GGACT: variants seen among roughly 807,000 people sequenced by gnomAD.
GGACT encodes gamma-glutamylamine cyclotransferase.
For synonymous variants in GGACT, 118 were observed against 115.3 expected (o/e 1.02, Z -0.15); for missense variants, 241 against 233.2 (o/e 1.03, Z -0.22).
At chr13:100,533,208 G>C (rs570516210) in intron 2 of GGACT, 1 of 157,750 alleles carries the variant, frequency 6.3e-6, no homozygotes, top group Admixed American at 6.0e-5. Flanking sequence ...GCCCTGTCCA[G>C]GCCCTAGTAT....
chr13:100,578,155 T>C (rs1451926375), intron 2 of GGACT, among the ~76,000 whole-genome samples: 4 of 152,164 alleles, frequency 2.6e-5, no homozygotes, highest in African/African-American at 9.7e-5. Flanking sequence ...GAACACCAAG[T>C]GCACTCCTCT....
At chr13:100,549,175 C>T (rs962535122) in intron 2 of GGACT, among the ~76,000 whole-genome samples, 1 of 152,090 alleles carries the variant, frequency 6.6e-6, no homozygotes, top group Non-Finnish European at 1.5e-5. Flanking sequence ...GAAGCCCTGT[C>T]TCTACTAAAA....
At position 100,534,333 on chromosome 13, in the gene GGACT, G is replaced by A. The variant is rs1254423567; in HGVS notation, c.-10-1732C>T. Among the ~76,000 whole-genome samples, 2 of 152,232 alleles carry A rather than the reference G, an allele frequency of 1.3e-5. No homozygotes were observed. The highest frequency in any genetic ancestry group is 4.8e-5 in the African/African-American group (2 of 41,470). On this transcript the variant is annotated intron_variant, in intron 2 of 2. Coordinates refer to ENST00000683975, the MANE Select transcript of GGACT (RefSeq NM_001195087.2). The surrounding 1 kb of genome is among the most constrained non-coding windows in gnomAD (Gnocchi z 4.9). The stretch of plus-strand genomic sequence containing the variant: ...TGATAGCCCTGGGACACCCTTCCCA[G>A]TGTGGGGACACAGATTAGACCTGGG...
At chr13:100,543,881 A>G (rs945317242) in intron 2 of GGACT, among the ~76,000 whole-genome samples, 3 of 152,194 alleles carry the variant, frequency 2.0e-5, no homozygotes, top group Non-Finnish European at 4.4e-5. Context: ...TTGTCATTCA[A>G]TACCTCGTGT....
intron 2 of GGACT, among the ~76,000 whole-genome samples, chr13:100,566,679 A>G (rs908779202): frequency 1.2e-4 from 19 of 152,308 alleles, no homozygotes; most frequent in African/African-American, 4.6e-4. Context: ...CAGGGAGTAA[A>G]CCACTGGTTA....
At chr13:100,544,388 C>T (rs2088585542) in intron 2 of GGACT, among the ~76,000 whole-genome samples, 1 of 152,266 alleles carries the variant, frequency 6.6e-6, no homozygotes. Context: ...GGGCCGCATC[C>T]TGTTGGCTCT....
chr13:100,567,598 T>C (rs534878335), intron 2 of GGACT, among the ~76,000 whole-genome samples: 1 of 152,236 alleles, frequency 6.6e-6, no homozygotes, highest in Non-Finnish European at 1.5e-5. Flanking sequence ...TTGGGCTGCA[T>C]CTGTCCACAA....
At chr13:100,539,936 C>A in intron 2 of GGACT, 2 of 1,537,556 alleles carry the variant, frequency 1.3e-6, no homozygotes, top group Non-Finnish European at 1.8e-6. Context: ...GGGGCAGCAC[C>A]CGCAGGTCTA....
chr13:100,543,093 C>T (rs953532856), intron 2 of GGACT, among the ~76,000 whole-genome samples: 5 of 149,118 alleles, frequency 3.4e-5, no homozygotes, highest in Admixed American at 2.7e-4. Flanking sequence ...GCCTGGTACA[C>T]GTTTAAAAGC....
At chr13:100,543,694 CTT>C (rs1372843175) in intron 2 of GGACT, among the ~76,000 whole-genome samples, 13 of 152,278 alleles carry the variant, frequency 8.5e-5, no homozygotes, top group Middle Eastern at 3.4e-3. Flanking sequence ...CAAGTTAAGA[CTT>C]TGTTAGAAAA....
At chr13:100,551,733 T>G (rs2088666361) in intron 2 of GGACT, among the ~76,000 whole-genome samples, 1 of 152,184 alleles carries the variant, frequency 6.6e-6, no homozygotes, top group Non-Finnish European at 1.5e-5. Flanking sequence ...TCCCATCCCT[T>G]CGATGTACAG....
Position 100,539,013 on chromosome 13 carries a change from CTTATTG to C in GGACT, c.-10-6418_-10-6413del, listed in dbSNP as rs1594183430. On this transcript the variant is annotated intron_variant, in intron 2 of 2. Transcript: ENST00000683975. ...TGGAATAGTTTGTCTTTTCAGATTG[CTTATTG>C]TTAGTGTATAAAAATGCAATAATTA... 2.0e-5 allele frequency: 3 copies of C among 152,088 alleles called. No individual in the cohort carries two copies. The East Asian group carries it at 5.8e-4, about 29-fold the overall frequency. The allele number at this position is 152,088 out of a possible 1,614,324, so 9.4% of individuals were successfully genotyped here. A position where few individuals can be genotyped will look rare whatever the true frequency, so the allele number is the denominator to read the frequency against.
intron 2 of GGACT, 147 bp from the exon 3 acceptor site, chr13:100,532,748 A>G: frequency 1.6e-6 from 1 of 624,850 alleles, no homozygotes; most frequent in Non-Finnish European, 2.8e-6. Context: ...TTACTTACCG[A>G]CGCAGATGAG....
chr13:100,535,528 G>C (rs966004161), intron 2 of GGACT, among the ~76,000 whole-genome samples: 1 of 152,160 alleles, frequency 6.6e-6, no homozygotes, highest in Non-Finnish European at 1.5e-5. Flanking sequence ...GACCGCGGTG[G>C]GTACCAACAC....
At chr13:100,553,156 C>G (rs188200134) in intron 2 of GGACT, among the ~76,000 whole-genome samples, 1 of 152,198 alleles carries the variant, frequency 6.6e-6, no homozygotes, top group Admixed American at 6.5e-5. Flanking sequence ...GAGGGCACTA[C>G]GCCTGGGAGG....
At chr13:100,561,325 T>C (rs754751976) in intron 2 of GGACT, among the ~76,000 whole-genome samples, 2 of 152,210 alleles carry the variant, frequency 1.3e-5, no homozygotes, top group Admixed American at 6.5e-5. Context: ...GTGAACTGTA[T>C]GGTATGTGAA....
intron 2 of GGACT, among the ~76,000 whole-genome samples, chr13:100,568,944 T>C (rs1196264167): frequency 6.6e-6 from 1 of 152,214 alleles, no homozygotes; most frequent in African/African-American, 2.4e-5. Context: ...ATCTTAAAGT[T>C]CCAAAATGAT....
intron 2 of GGACT, chr13:100,537,673 C>CA (rs1476867743): frequency 1.3e-5 from 2 of 152,320 alleles, no homozygotes; most frequent in East Asian, 3.9e-4. Context: ...ACAGCACAGG[C>CA]ACTCTCCCTC....
At position 100,532,290 on chromosome 13, in the gene GGACT, C is replaced by T. The variant is rs891039111; in HGVS notation, c.302G>A (p.Arg101Gln). 3.2e-6 allele frequency: 5 copies of T among 1,539,840 alleles called. No homozygotes were observed. Among genetic ancestry groups the T allele is most frequent in the African/African-American group, 2.7e-5 (2 of 72,750 alleles). Reference sequence around the variant, plus strand: ...TGGCGGCTCCTCTGCGCCCGGGGCCCGGTCCTCCAGCAGCTGTACCCGCAG... The same window carrying T: ...TGGCGGCTCCTCTGCGCCCGGGGCCTGGTCCTCCAGCAGCTGTACCCGCAG... ...TVLRVQLLED[R>Q]APGAEEPPAP... is the part of the protein sequence containing the mutation. Residue 101 changes from arginine to glutamine, a missense_variant, in exon 3 of 3, where the codon CGG (arginine) becomes CAG (glutamine). Physicochemically the swap from Arg to Gln is conservative, Grantham distance 43. Transcript: ENST00000683975.
Sources: allele counts gnomAD v4.1 joint callset (sites outside exome capture counted in the v4.1 genomes callset), GRCh38; gene constraint gnomAD v4.1.1; non-coding constraint Gnocchi (gnomAD v3.1); transcripts MANE v1.5; gene names NCBI Gene and HGNC (gene_info 2026-07-23, HGNC 2026-07-21).